The following RGS7 variants were observed in gnomAD, a reference collection of about 807,000 sequenced individuals.
The protein encoded by RGS7 is regulator of G-protein signaling 7.
Under a neutral mutation model 81.1 loss-of-function variants are expected in RGS7, and 27 were observed. That is an observed-to-expected ratio of 0.33 (90% CI 0.25 to 0.46). The LOEUF is 0.46. Among genes scored for constraint, RGS7 ranks in the 20% least tolerant of loss-of-function variants. The probability of loss-of-function intolerance (pLI) is 1.00; values close to 1 mark genes in which losing one functional copy is unlikely to be tolerated. For missense variants in RGS7, 396 were observed against 607.4 expected, an observed-to-expected ratio of 0.65 and a Z score of 3.66; for synonymous variants, 208 against 207.7, an observed-to-expected ratio of 1.00 and a Z score of -0.01.
chr1:241,205,905 G>A (rs573447806), intron 2 of RGS7, among the ~76,000 whole-genome samples: 1 of 152,296 alleles, frequency 6.6e-6, no homozygotes, highest in East Asian at 1.9e-4. Context: ...ATAGACCTAT[G>A]GAGAGGTACA....
intron 2 of RGS7, among the ~76,000 whole-genome samples, chr1:241,193,383 T>C (rs2072830223): frequency 6.6e-6 from 1 of 152,156 alleles, no homozygotes; most frequent in Non-Finnish European, 1.5e-5. Context: ...CCACATGGAG[T>C]TGGTCCCCGC....
chr1:241,340,740 A>G (rs1331810530), intron 2 of RGS7, among the ~76,000 whole-genome samples: 2 of 152,180 alleles, frequency 1.3e-5, no homozygotes, highest in Non-Finnish European at 2.9e-5. Flanking sequence ...AAAGAAGATA[A>G]AAGAAAAATA....
chr1:241,263,397 G>A (rs10754723), intron 2 of RGS7, among the ~76,000 whole-genome samples: 62,008 of 151,912 alleles, frequency 0.41, 13,388 homozygotes, highest in Non-Finnish European at 0.47. Flanking sequence ...AACATGTAGT[G>A]CCCGGTTAGG....
intron 10 of RGS7, among the ~76,000 whole-genome samples, chr1:240,816,985 C>T (rs1313946802): frequency 2.0e-5 from 3 of 152,146 alleles, no homozygotes; most frequent in African/African-American, 7.2e-5. Context: ...CCATTGGGTG[C>T]CATTTGCAAA....
intron 2 of RGS7, among the ~76,000 whole-genome samples, chr1:241,126,445 G>A (rs1166090228): frequency 6.6e-6 from 1 of 152,146 alleles, no homozygotes; most frequent in Non-Finnish European, 1.5e-5. Context: ...CACAGTGCCT[G>A]GCCCCATTTA....
chr1:241,222,176 T>C (rs1008249140), intron 2 of RGS7, among the ~76,000 whole-genome samples: 2 of 152,216 alleles, frequency 1.3e-5, no homozygotes, highest in African/African-American at 2.4e-5. Context: ...GTGATTGTTA[T>C]AGCTGCCAGC....
chr1:241,167,334 A>G (rs1258515858), intron 2 of RGS7, among the ~76,000 whole-genome samples: 4 of 152,110 alleles, frequency 2.6e-5, no homozygotes, highest in South Asian at 2.1e-4. Context: ...TCATCTTTCA[A>G]TGTAAATAAA....
intron 2 of RGS7, among the ~76,000 whole-genome samples, chr1:241,177,211 T>A (rs761477271): frequency 6.6e-6 from 1 of 152,218 alleles, no homozygotes; most frequent in Non-Finnish European, 1.5e-5. Flanking sequence ...AGTAGGCTAC[T>A]CCACAGAGCT....
At chr1:241,268,078 T>C (rs758314583) in intron 2 of RGS7, among the ~76,000 whole-genome samples, 1 of 152,180 alleles carries the variant, frequency 6.6e-6, no homozygotes, top group Non-Finnish European at 1.5e-5. Context: ...TGCTAGCTGG[T>C]GGACCTTAAG....
rs60399497 is a variant in RGS7, at chr1:241,202,011, G to GACACACACACACAC, written c.79-103263_79-103250dup. Among the ~76,000 whole-genome samples the GACACACACACACAC allele has an allele frequency of 2.3e-3, 336 of 145,018 alleles. 5 individuals carry two copies. The highest frequency in any genetic ancestry group is 7.4e-3 in the African/African-American group (283 of 38,422). ...CCCTGCAAACACACAGACACACACA[G>GACACACACACACAC]ACACACACACACACACACACACACA... On this transcript the variant is annotated intron_variant, in intron 2 of 18. Coordinates refer to ENST00000440928, the MANE Select transcript of RGS7 (RefSeq NM_001364886.1).
intron 2 of RGS7, among the ~76,000 whole-genome samples, chr1:241,281,911 T>A (rs915121559): frequency 6.6e-6 from 1 of 152,220 alleles, no homozygotes; most frequent in Non-Finnish European, 1.5e-5. Context: ...ATATATTTAG[T>A]TAAACGTTCA....
At chr1:241,073,835 A>G (rs2062628571) in intron 3 of RGS7, among the ~76,000 whole-genome samples, 1 of 151,988 alleles carries the variant, frequency 6.6e-6, no homozygotes, top group African/African-American at 2.4e-5. Context: ...GTGGCAAGCC[A>G]AGTTTATGCC....
intron 3 of RGS7, among the ~76,000 whole-genome samples, chr1:241,049,414 C>T (rs951777691): frequency 3.3e-5 from 5 of 152,158 alleles, no homozygotes; most frequent in African/African-American, 4.8e-5. Context: ...AAATCCTTGA[C>T]CTTTGGAATA....
chr1:241,192,996 T>C (rs1249413474), intron 2 of RGS7, among the ~76,000 whole-genome samples: 3 of 152,170 alleles, frequency 2.0e-5, no homozygotes, highest in Admixed American at 2.0e-4. Context: ...AGAAAATCCA[T>C]AAAACCTGTA....
chr1:241,322,020 C>T (rs1190675735), intron 2 of RGS7, among the ~76,000 whole-genome samples: 1 of 152,140 alleles, frequency 6.6e-6, no homozygotes, highest in Non-Finnish European at 1.5e-5. Context: ...CATGTCTGCC[C>T]TCTCACGGTT....
At chr1:241,236,832 T>G (rs1316982400) in intron 2 of RGS7, among the ~76,000 whole-genome samples, 2 of 118,268 alleles carry the variant, frequency 1.7e-5, no homozygotes, top group African/African-American at 6.3e-5. Context: ...TTCTAGGATC[T>G]ATAAAAAAAA....
intron 2 of RGS7, among the ~76,000 whole-genome samples, chr1:241,278,628 A>C (rs894431885): frequency 6.6e-6 from 1 of 152,078 alleles, no homozygotes; most frequent in Non-Finnish European, 1.5e-5. Context: ...TCATTCACCC[A>C]AACCCACTGA....
intron 2 of RGS7, among the ~76,000 whole-genome samples, chr1:241,187,581 A>G (rs2072244875): frequency 6.6e-6 from 1 of 152,172 alleles, no homozygotes; most frequent in Admixed American, 6.5e-5. Context: ...TATGCAGTAC[A>G]GCTCAATAAA....
chr1:240,928,038 T>C (rs1674757674), intron 6 of RGS7, among the ~76,000 whole-genome samples: 1 of 152,194 alleles, frequency 6.6e-6, no homozygotes, highest in South Asian at 2.1e-4. Context: ...TAGAAACACT[T>C]ATTTACTCTG....
Sources: allele counts gnomAD v4.1 joint callset (sites outside exome capture counted in the v4.1 genomes callset), GRCh38; gene constraint gnomAD v4.1.1; transcripts MANE v1.5; gene names NCBI Gene and HGNC (gene_info 2026-07-23, HGNC 2026-07-21).